Variants in OR1J2 observed in about 807,000 individuals in gnomAD.
The protein encoded by OR1J2 is olfactory receptor family 1 subfamily J member 2, also known as olfactory receptor 1J2.
For synonymous variants in OR1J2, 142 were observed against 99.7 expected, an observed-to-expected ratio of 1.42 and a Z score of -2.52; for missense variants, 304 against 246.1, an observed-to-expected ratio of 1.24 and a Z score of -1.57.
the OR1J2 span, among the ~76,000 whole-genome samples, chr9:122,572,267 A>C: frequency 2.0e-5 from 3 of 152,230 alleles, no homozygotes; most frequent in Non-Finnish European, 2.9e-5. Context: ...GGGGACACAG[A>C]TCCAAACCAT....
upstream of OR1J2, among the ~76,000 whole-genome samples, chr9:122,507,338 A>G (rs1828537931): frequency 6.6e-6 from 1 of 152,164 alleles, no homozygotes; most frequent in African/African-American, 2.4e-5. Context: ...AAACAAAGTC[A>G]TCTCTTTATA....
the OR1J2 span, among the ~76,000 whole-genome samples, chr9:122,543,343 T>C: frequency 6.6e-6 from 1 of 152,084 alleles, no homozygotes. Flanking sequence ...GCTGGGACCA[T>C]AGGCATGTGC....
At chr9:122,551,094 A>G in the OR1J2 span, among the ~76,000 whole-genome samples, 2 of 152,222 alleles carry the variant, frequency 1.3e-5, no homozygotes, top group Admixed American at 1.3e-4. Context: ...AAAAATCAGT[A>G]GCATTTCTAC....
the OR1J2 span, among the ~76,000 whole-genome samples, chr9:122,523,422 T>A: frequency 0.16 from 24,420 of 151,996 alleles, 2,119 homozygotes; most frequent in South Asian, 0.21. Context: ...GGGATTAGTC[T>A]CAGGGAAGGT....
At chr9:122,508,513 A>G (rs1427888782), upstream of OR1J2, among the ~76,000 whole-genome samples, 3 of 152,200 alleles carry the variant, frequency 2.0e-5, no homozygotes, top group Non-Finnish European at 4.4e-5. Flanking sequence ...TTAAAGGAAT[A>G]TTGAAATTTG....
the OR1J2 span, among the ~76,000 whole-genome samples, chr9:122,493,898 T>G: frequency 6.6e-6 from 1 of 152,242 alleles, no homozygotes; most frequent in South Asian, 2.1e-4. Flanking sequence ...ATCACGTCAC[T>G]ATTACTCAGT....
the OR1J2 span, among the ~76,000 whole-genome samples, chr9:122,558,650 T>C: frequency 6.6e-6 from 1 of 151,432 alleles, no homozygotes; most frequent in Admixed American, 6.6e-5. Flanking sequence ...AATTATTAGG[T>C]TTGCCATTAC....
At chr9:122,493,550 T>A in the OR1J2 span, among the ~76,000 whole-genome samples, 1 of 152,252 alleles carries the variant, frequency 6.6e-6, no homozygotes, top group African/African-American at 2.4e-5. Context: ...TGGTAATAGC[T>A]CCCATTTCAT....
chr9:122,497,638 G>A, the OR1J2 span, among the ~76,000 whole-genome samples: 2 of 151,790 alleles, frequency 1.3e-5, no homozygotes, highest in Non-Finnish European at 2.9e-5. Context: ...TTTATTATTT[G>A]TATGCATTTT....
At chr9:122,458,683 G>T in the OR1J2 span, among the ~76,000 whole-genome samples, 1 of 152,108 alleles carries the variant, frequency 6.6e-6, no homozygotes, top group East Asian at 1.9e-4. Flanking sequence ...CCTCCCACTG[G>T]GTCCCACCCA....
the OR1J2 span, among the ~76,000 whole-genome samples, chr9:122,500,419 C>G: frequency 6.6e-6 from 1 of 152,204 alleles, no homozygotes; most frequent in Non-Finnish European, 1.5e-5. Context: ...ATTCCCCTCT[C>G]TGGGATCTGG....
At chr9:122,451,158 T>C in the OR1J2 span, among the ~76,000 whole-genome samples, 1 of 116,482 alleles carries the variant, frequency 8.6e-6, no homozygotes, top group Non-Finnish European at 1.7e-5. Context: ...CCTGCATTAT[T>C]ATTATTATTA....
chr9:122,512,045 CAT>C (rs1828647965), downstream of OR1J2, among the ~76,000 whole-genome samples: 1 of 152,052 alleles, frequency 6.6e-6, no homozygotes, highest in African/African-American at 2.4e-5. Context: ...TGTTTGGAGA[CAT>C]ATATATTTTT....
the OR1J2 span, among the ~76,000 whole-genome samples, chr9:122,563,269 T>A: frequency 5.9e-5 from 9 of 152,310 alleles, no homozygotes; most frequent in Admixed American, 5.9e-4. Context: ...TTGTTTTTAT[T>A]TTTAAATTTT....
the OR1J2 span, among the ~76,000 whole-genome samples, chr9:122,486,110 A>C: frequency 6.6e-6 from 1 of 151,960 alleles, no homozygotes; most frequent in Non-Finnish European, 1.5e-5. Context: ...ACAGGTGCCC[A>C]CTAGCATGCC....
chr9:122,555,256 T>G, the OR1J2 span, among the ~76,000 whole-genome samples: 1 of 152,170 alleles, frequency 6.6e-6, no homozygotes, highest in Non-Finnish European at 1.5e-5. Flanking sequence ...TGTTGTACAA[T>G]AAATATTGCT....
the OR1J2 span, among the ~76,000 whole-genome samples, chr9:122,494,867 A>C: frequency 1.3e-5 from 2 of 152,314 alleles, no homozygotes; most frequent in African/African-American, 4.8e-5. Flanking sequence ...CAGATCTTGT[A>C]GTACTGACTT....
chr9:122,492,344 G>T, the OR1J2 span, among the ~76,000 whole-genome samples: 1 of 152,102 alleles, frequency 6.6e-6, no homozygotes, highest in Middle Eastern at 3.4e-3. Flanking sequence ...TTCTTTTTAT[G>T]GCTTCATAGT....
chr9:122,525,087 A>G, the OR1J2 span, among the ~76,000 whole-genome samples: 3 of 152,314 alleles, frequency 2.0e-5, no homozygotes, highest in African/African-American at 7.2e-5. Context: ...GTTTGCAACC[A>G]TCTCCAGCTC....
Sources: allele counts gnomAD v4.1 joint callset (sites outside exome capture counted in the v4.1 genomes callset), GRCh38; gene constraint gnomAD v4.1.1; transcripts MANE v1.5; gene names NCBI Gene and HGNC (gene_info 2026-07-23, HGNC 2026-07-21).